GNAQ: variants seen among roughly 807,000 people sequenced by gnomAD.
GNAQ encodes guanine nucleotide-binding protein G(q) subunit alpha.
A neutral mutation model predicts 43.9 loss-of-function variants in GNAQ; 8 were observed. The observed-to-expected ratio is 0.18, with a 90% CI of 0.11 to 0.33. The LOEUF is 0.33. GNAQ is among the 10% of genes least tolerant of loss of function. The probability of loss-of-function intolerance (pLI) is 1.00; values close to 1 mark genes in which losing one functional copy is unlikely to be tolerated. For synonymous variants in GNAQ, 155 were observed against 170.7 expected (o/e 0.91, Z 0.71); for missense variants, 158 against 450.8 (o/e 0.35, Z 5.88).
rs554783626 is a variant in GNAQ, at chr9:77,904,317, C to CTTTTTTTTT, written c.321+17835_321+17843dup. Among the ~76,000 whole-genome samples, 221 of 77,430 alleles carry CTTTTTTTTT rather than the reference C, an allele frequency of 2.9e-3. 30 individuals are homozygous for CTTTTTTTTT. Among genetic ancestry groups the CTTTTTTTTT allele is most frequent in the East Asian group, 9.8e-3 (17 of 1,734 alleles). 50.8% of individuals were successfully genotyped at this position (77,430 alleles called of 152,430 possible). A position where few individuals can be genotyped will look rare whatever the true frequency, so the allele number is the denominator to read the frequency against. On this transcript the variant is annotated intron_variant, in intron 2 of 6. Transcript: ENST00000286548. ...TGGAGTTAACAGAAGTTCACACCGG[C>CTTTTTTTTT]TTTTTTTTTTTTTTTTTTTTTTTTT...
intron 1 of GNAQ, among the ~76,000 whole-genome samples, chr9:78,014,562 C>T (rs922229448): frequency 1.3e-5 from 2 of 152,004 alleles, no homozygotes; most frequent in African/African-American, 4.8e-5. Flanking sequence ...GCCGAGATAG[C>T]GCCACTGCAC....
chr9:77,720,234 G>T lies in GNAQ; in HGVS notation c.*1089C>A, dbSNP rs896150200. The T allele has an allele frequency of 8.6e-6, 2 of 233,352 alleles. No individual in the cohort carries two copies. Among genetic ancestry groups the T allele is most frequent in the East Asian group, 1.2e-4 (2 of 16,526 alleles). 14.5% of individuals were successfully genotyped at this position (233,352 alleles called of 1,614,324 possible). A position where few individuals can be genotyped will look rare whatever the true frequency, so the allele number is the denominator to read the frequency against. ...GTTCATTCTCAGCCAGTCATTTTAG[G>T]CTTCACAGTCTTACTCTCTTACATT... On this transcript the variant is annotated 3_prime_UTR_variant, in exon 7 of 7. Transcript: ENST00000286548.
chr9:78,027,005 G>A (rs1308780449), intron 1 of GNAQ, among the ~76,000 whole-genome samples: 1 of 152,100 alleles, frequency 6.6e-6, no homozygotes, highest in African/African-American at 2.4e-5. Flanking sequence ...GTAAAAAGAT[G>A]AGAGGGTTAA....
At chr9:77,904,173 T>C (rs935818644) in intron 2 of GNAQ, among the ~76,000 whole-genome samples, 5 of 152,140 alleles carry the variant, frequency 3.3e-5, no homozygotes, top group African/African-American at 4.8e-5. Context: ...TGCATCTACT[T>C]GGATGATAAG....
chr9:77,902,577 A>C (rs1434936474), intron 2 of GNAQ, among the ~76,000 whole-genome samples: 3 of 152,260 alleles, frequency 2.0e-5, no homozygotes, highest in Admixed American at 6.5e-5. Flanking sequence ...AAGAATGCTA[A>C]AAATAATAAA....
intron 1 of GNAQ, among the ~76,000 whole-genome samples, chr9:77,993,437 G>T (rs182644102): frequency 5.2e-4 from 79 of 152,220 alleles, no homozygotes; most frequent in Non-Finnish European, 9.0e-4. Context: ...GGTGGCTCAC[G>T]CCTGTAATCC....
intron 1 of GNAQ, among the ~76,000 whole-genome samples, chr9:77,960,086 G>C (rs984749483): frequency 1.3e-5 from 2 of 152,152 alleles, no homozygotes; most frequent in Admixed American, 6.5e-5. Context: ...AATGGGTATA[G>C]CTTTAGTTTT....
intron 1 of GNAQ, among the ~76,000 whole-genome samples, chr9:77,972,543 C>A (rs971275441): frequency 6.6e-6 from 1 of 151,984 alleles, no homozygotes; most frequent in Non-Finnish European, 1.5e-5. Flanking sequence ...TAAGTAAGTA[C>A]TAGTTACAAG....
chr9:77,995,818 A>G (rs1429030201), intron 1 of GNAQ, among the ~76,000 whole-genome samples: 2 of 152,162 alleles, frequency 1.3e-5, no homozygotes, highest in African/African-American at 4.8e-5. Context: ...TTGTCAGGCT[A>G]CAGAGAATTT....
At chr9:77,970,306 C>A (rs896219117) in intron 1 of GNAQ, among the ~76,000 whole-genome samples, 1 of 152,162 alleles carries the variant, frequency 6.6e-6, no homozygotes, top group Non-Finnish European at 1.5e-5. Context: ...TGCTCCTGCT[C>A]AGTTCCACAT....
At chr9:77,921,605 T>G (rs1391613305) in intron 2 of GNAQ, among the ~76,000 whole-genome samples, 1 of 152,240 alleles carries the variant, frequency 6.6e-6, no homozygotes, top group Non-Finnish European at 1.5e-5. Flanking sequence ...GTTTTAGAAG[T>G]TTCTGTTACT....
At chr9:77,841,272 G>A (rs1258436901) in intron 2 of GNAQ, among the ~76,000 whole-genome samples, 1 of 152,192 alleles carries the variant, frequency 6.6e-6, no homozygotes, top group Non-Finnish European at 1.5e-5. Flanking sequence ...TTTGTGGTGA[G>A]AGGCTTGCAG....
rs140979659 is a variant in GNAQ, at chr9:77,877,223, C to T, written c.321+44938G>A. On this transcript the variant is annotated intron_variant, in intron 2 of 6. Transcript: ENST00000286548. Reference sequence around the variant, plus strand: ...AAACCAACTCTCCCCGAAGAATATTCAAATATTCTGTACTCATATAATTTG... The same window carrying T: ...AAACCAACTCTCCCCGAAGAATATTTAAATATTCTGTACTCATATAATTTG... Among the ~76,000 whole-genome samples, 3 of 152,282 alleles carry T rather than the reference C, an allele frequency of 2.0e-5. No homozygotes were observed. The East Asian group carries it at 5.8e-4, about 29-fold the overall frequency.
At chr9:77,907,645 T>C (rs931944696) in intron 2 of GNAQ, among the ~76,000 whole-genome samples, 1 of 152,174 alleles carries the variant, frequency 6.6e-6, no homozygotes, top group Non-Finnish European at 1.5e-5. Flanking sequence ...AAAAGGAGTG[T>C]ACAGTCAAGA....
chr9:78,030,344 G>A (rs1384999912), intron 1 of GNAQ, among the ~76,000 whole-genome samples: 1 of 152,126 alleles, frequency 6.6e-6, no homozygotes, highest in Non-Finnish European at 1.5e-5. Flanking sequence ...GAATGGTGCA[G>A]ACGAGAATAA....
At chr9:77,764,902 C>T (rs1211714296) in intron 5 of GNAQ, among the ~76,000 whole-genome samples, 2 of 152,190 alleles carry the variant, frequency 1.3e-5, no homozygotes, top group African/African-American at 4.8e-5. Context: ...ACAGTTTTCT[C>T]ATTTTACAAG....
chr9:77,928,985 T>C (rs1829109012), intron 1 of GNAQ, among the ~76,000 whole-genome samples: 1 of 152,174 alleles, frequency 6.6e-6, no homozygotes, highest in African/African-American at 2.4e-5. Flanking sequence ...ATCATTGCAC[T>C]TCATCCTGGG....
At chr9:77,765,300 AAATAAT>A (rs146087340) in intron 5 of GNAQ, among the ~76,000 whole-genome samples, 1 of 152,186 alleles carries the variant, frequency 6.6e-6, no homozygotes, top group Admixed American at 6.5e-5. Context: ...AAACTAAAGA[AAATAAT>A]AATTTAAAAA....
At chr9:77,893,287 A>C (rs1468648187) in intron 2 of GNAQ, among the ~76,000 whole-genome samples, 1 of 152,200 alleles carries the variant, frequency 6.6e-6, no homozygotes, top group East Asian at 1.9e-4. Flanking sequence ...ATGTCCGTGA[A>C]AGTGAGCTCT....
Sources: allele counts gnomAD v4.1 joint callset (sites outside exome capture counted in the v4.1 genomes callset), GRCh38; gene constraint gnomAD v4.1.1; transcripts MANE v1.5; gene names NCBI Gene and HGNC (gene_info 2026-07-23, HGNC 2026-07-21).